The following IFT74 variants were observed in gnomAD, a reference collection of about 807,000 sequenced individuals.
IFT74 encodes intraflagellar transport protein 74 homolog.
In IFT74, 92 loss-of-function variants were observed where a neutral mutation model predicts 96.7. That is an observed-to-expected ratio of 0.95 (90% CI 0.80 to 1.13). IFT74 has a LOEUF of 1.13. Ranked by LOEUF, IFT74 falls within the 50% of genes most tolerant of loss-of-function variation. The pLI is 0.00. For missense variants in IFT74, 811 were observed against 698.2 expected (o/e 1.16, Z -1.82); for synonymous variants, 223 against 213.2 (o/e 1.05, Z -0.40).
rs563928094 is a variant in IFT74 at position 27,043,407 on chromosome 9, T to C, written c.1055-1335T>C. On this transcript the variant is annotated intron_variant, in intron 13 of 19. Coordinates refer to ENST00000380062, the MANE Select transcript of IFT74 (RefSeq NM_025103.4). ...TAATTCACTTAATGCCAAGCAAGTA[T>C]ATGCACAGATGGAGGTTCATGTCTC... Among the ~76,000 whole-genome samples the C allele has an allele frequency of 3.3e-5, 5 of 152,346 alleles. No homozygotes were observed. In the East Asian group the frequency reaches 9.6e-4, roughly 29 times the overall value.
intron 10 of IFT74, among the ~76,000 whole-genome samples, chr9:27,012,723 T>TTTTG (rs1829153781): frequency 7.2e-6 from 1 of 139,680 alleles, no homozygotes; most frequent in Non-Finnish European, 1.5e-5. Flanking sequence ...TTTTTTTTTT[T>TTTTG]TTTTTTTTTT....
chr9:27,037,003 G>T (rs2131665233), intron 13 of IFT74, among the ~76,000 whole-genome samples: 1 of 152,134 alleles, frequency 6.6e-6, no homozygotes, highest in Admixed American at 6.5e-5. Context: ...TGAATTACCT[G>T]AGGTCAGGAT....
intron 6 of IFT74, among the ~76,000 whole-genome samples, chr9:26,986,547 G>C (rs912190006): frequency 3.3e-5 from 5 of 151,954 alleles, no homozygotes; most frequent in African/African-American, 1.2e-4. Context: ...AAACTCATGG[G>C]CTCAAGTGAT....
chr9:26,994,520 G>T (rs1284008800), intron 8 of IFT74: 1 of 145,488 alleles, frequency 6.9e-6, no homozygotes, highest in Admixed American at 7.0e-5. Flanking sequence ...CTGGGAGACA[G>T]TGCGAGACTT....
At chr9:26,999,770 CT>C (rs1179000269) in intron 8 of IFT74, 49,578 of 337,366 alleles carry the variant, frequency 0.15, 11 homozygotes, top group South Asian at 0.17. Context: ...TCTGTTTATT[CT>C]TTTTTTTTTT....
intron 8 of IFT74, chr9:26,999,642 A>G (rs1230141872): frequency 6.2e-7 from 1 of 1,609,122 alleles, no homozygotes; most frequent in South Asian, 1.1e-5. Context: ...TTTGTCTGAT[A>G]ATAATATCAT....
At chr9:27,039,005 A>T (rs561393777) in intron 13 of IFT74, among the ~76,000 whole-genome samples, 1 of 152,222 alleles carries the variant, frequency 6.6e-6, no homozygotes, top group Non-Finnish European at 1.5e-5. Context: ...TTCTTCCAGC[A>T]TAAATGATCT....
upstream of IFT74, among the ~76,000 whole-genome samples, chr9:26,953,802 A>T (rs1373485789): frequency 2.0e-5 from 3 of 148,742 alleles, no homozygotes; most frequent in Non-Finnish European, 4.5e-5. Flanking sequence ...GAGCCACCAC[A>T]CCTGGCCAAA....
intron 8 of IFT74, chr9:26,999,578 G>T: frequency 6.9e-7 from 1 of 1,442,840 alleles, no homozygotes; most frequent in South Asian, 1.2e-5. Flanking sequence ...ATGTACCTTT[G>T]AAAATATTTT....
intron 1 of IFT74, among the ~76,000 whole-genome samples, chr9:26,959,159 A>T (rs10967623): frequency 0.1 from 15,512 of 152,036 alleles, 1,808 homozygotes; most frequent in East Asian, 0.65. Flanking sequence ...CCCAGGCTGG[A>T]GTGCAGTGGC....
At position 27,044,738 on chromosome 9, in the gene IFT74, A is replaced by G. The variant is rs753366956; in HGVS notation, c.1055-4A>G. 2.6e-6 allele frequency: 4 copies of G among 1,551,454 alleles called. No homozygotes were observed. The highest frequency in any genetic ancestry group is 2.3e-5 in the South Asian group (2 of 86,870). ...ATTCATGTTGTATTTTATATCTCTCATAGGTGAAATGAACCAGAAATACAA... is the reference window on the plus strand; with the variant it reads ...ATTCATGTTGTATTTTATATCTCTCGTAGGTGAAATGAACCAGAAATACAA... On this transcript the variant is annotated splice_region_variant and splice_polypyrimidine_tract_variant and intron_variant, in intron 13 of 19. Coordinates refer to ENST00000380062, the MANE Select transcript of IFT74 (RefSeq NM_025103.4).
At chr9:26,988,118 A>T (rs898710490) in intron 6 of IFT74, among the ~76,000 whole-genome samples, 3 of 151,892 alleles carry the variant, frequency 2.0e-5, no homozygotes, top group African/African-American at 7.2e-5. Flanking sequence ...ACACCCGGCT[A>T]ATTTTGTATT....
chr9:27,013,498 T>G (rs1829208924), intron 10 of IFT74, among the ~76,000 whole-genome samples: 1 of 152,154 alleles, frequency 6.6e-6, no homozygotes. Flanking sequence ...TTCAAAAAGG[T>G]TGTTCCAACT....
chr9:27,015,055 A>G (rs556362902), intron 10 of IFT74, among the ~76,000 whole-genome samples: 1 of 152,348 alleles, frequency 6.6e-6, no homozygotes, highest in South Asian at 2.1e-4. Flanking sequence ...AGAGTGGAAA[A>G]AATCAGGTGA....
At chr9:27,006,532 G>C (rs974147034) in intron 8 of IFT74, among the ~76,000 whole-genome samples, 2 of 151,898 alleles carry the variant, frequency 1.3e-5, no homozygotes, top group African/African-American at 4.8e-5. Flanking sequence ...TTGAGTTTGA[G>C]CATGCAGTGA....
In IFT74 at chr9:27,029,025, G is replaced by C. The variant is rs766497950; in HGVS notation, c.975G>C (p.Gln325His). Reference protein sequence around the residue: ...DNQEIASMERQLTDTKEKINQ... With the variant: ...DNQEIASMERHLTDTKEKINQ... ...AATTCATTAAAAATATTTTCAACAGGTTAACAGATACAAAAGAAAAGATAA... is the reference window on the plus strand; with the variant it reads ...AATTCATTAAAAATATTTTCAACAGCTTAACAGATACAAAAGAAAAGATAA... The change falls in exon 13 of 20, where the codon CAG becomes CAC. Residue 325 changes from glutamine (Q) to histidine (H), a missense_variant and splice_region_variant. Gln to His is a conservative substitution (Grantham distance 24). Coordinates refer to ENST00000380062, the MANE Select transcript of IFT74 (RefSeq NM_025103.4). The C allele has an allele frequency of 1.9e-6, 3 of 1,585,900 alleles. No individual in the cohort carries two copies. Among genetic ancestry groups the C allele is most frequent in the Admixed American group, 1.8e-5 (1 of 56,440 alleles).
chr9:26,976,249 G>A (rs1158638726), intron 2 of IFT74, among the ~76,000 whole-genome samples: 2 of 152,118 alleles, frequency 1.3e-5, no homozygotes, highest in Admixed American at 6.6e-5. Context: ...AGGAGAATGG[G>A]AATCCCCGAC....
Position 27,060,620 on chromosome 9 carries a change from C to T in IFT74, c.1653C>T (p.His551=). 1 of 1,596,292 alleles carries T rather than the reference C, an allele frequency of 6.3e-7. No individual in the cohort carries two copies. Residue 551 remains histidine, a synonymous_variant, in exon 19 of 20, where the codon CAC becomes CAT. Coordinates refer to ENST00000380062, the MANE Select transcript of IFT74 (RefSeq NM_025103.4). ...CAAATTTGGAGAGAAAGTGGCAACACCTTGAGCAAAATAATTTTGCGATGA... is the reference window on the plus strand; with the variant it reads ...CAAATTTGGAGAGAAAGTGGCAACATCTTGAGCAAAATAATTTTGCGATGA... The part of the protein sequence containing the change: ...QLTNLERKWQ[H]LEQNNFAMKE...
In IFT74 at chr9:27,028,891, T is replaced by C. The variant is rs537679243; in HGVS notation, c.975-134T>C. 84 of 753,584 alleles carry C rather than the reference T, an allele frequency of 1.1e-4. No homozygotes were observed. In the East Asian group the frequency reaches 2.1e-3, roughly 19 times the overall value. The allele number at this position is 753,584 out of a possible 1,614,324, so 46.7% of individuals were successfully genotyped here. On this transcript the variant is annotated intron_variant, in intron 12 of 19. Coordinates refer to ENST00000380062, the MANE Select transcript of IFT74 (RefSeq NM_025103.4). ...CCTAATGTCATCGTCAGTTATAGTA[T>C]TGTCCTTAGAATAAGACATATTATT...
Sources: gnomAD v4.1 joint callset for allele counts (sites outside exome capture counted in the v4.1 genomes callset) on GRCh38, gnomAD v4.1.1 for gene constraint, MANE v1.5 for transcripts, NCBI Gene and HGNC (gene_info 2026-07-23, HGNC 2026-07-21) for gene names.